CARS2: variants seen among roughly 807,000 people sequenced by gnomAD.
The protein encoded by CARS2 is cysteinyl-tRNA synthetase 2, mitochondrial, also known as probable cysteine--tRNA ligase, mitochondrial.
CARS2 carries 52 observed loss-of-function variants against 68.8 expected under a neutral mutation model. That is an observed-to-expected ratio of 0.76 (90% confidence interval 0.61 to 0.95). The LOEUF is 0.95. CARS2 is among the 40% of genes least tolerant of loss of function. The probability of loss-of-function intolerance (pLI) is 0.00; values close to 1 mark genes in which losing one functional copy is unlikely to be tolerated. For synonymous variants in CARS2, 314 were observed against 303.6 expected, an observed-to-expected ratio of 1.03 and a Z score of -0.36; for missense variants, 780 against 754.2, an observed-to-expected ratio of 1.03 and a Z score of -0.40.
Position 110,701,517 on chromosome 13 carries a change from G to A in CARS2, c.314C>T (p.Thr105Ile). Residue 105 changes from threonine to isoleucine, a missense_variant, in exon 3 of 15, where the codon ACC becomes ATC. Coordinates refer to ENST00000257347, the MANE Select transcript of CARS2 (RefSeq NM_024537.4). ...GACTATGCTGCATCCAAAAACCTTG[G>A]TTAGGATCCTTCGAATGATATCAAA... ...VRFDIIRRIL[T>I]KVFGCSIVMV... 3 of 1,588,404 alleles carry A rather than the reference G, an allele frequency of 1.9e-6. No homozygotes were observed. The highest frequency in any genetic ancestry group is 2.6e-6 in the Non-Finnish European group (3 of 1,156,668).
Position 110,676,098 on chromosome 13 carries a change from G to A in CARS2, c.785+876C>T, listed in dbSNP as rs994030096. 6.6e-6 allele frequency among the ~76,000 whole-genome samples: 1 copy of A among 152,198 alleles called. No individual in the cohort carries two copies. The highest frequency in any genetic ancestry group is 1.5e-5 in the Non-Finnish European group (1 of 68,036). On this transcript the variant is annotated intron_variant, in intron 7 of 14. Coordinates refer to ENST00000257347, the MANE Select transcript of CARS2 (RefSeq NM_024537.4). The surrounding 1 kb of genome is among the most constrained non-coding windows in gnomAD (Gnocchi z 4.0). ...GAACCTGGGAGGCGGAGGTTGCGGT[G>A]AGCCGAGATCGCACCATTGCACTCC...
chr13:110,712,546 C>A, intron 1 of CARS2: 1 of 271,808 alleles, frequency 3.7e-6, no homozygotes, highest in Non-Finnish European at 7.3e-6. Context: ...GGGGCCGGCG[C>A]GCGGGGCCGG....
At chr13:110,644,239 A>ATTTTTCCAGGAAAGTAACATGT in intron 13 of CARS2, 146 bp downstream of exon 13, 3 of 1,410,838 alleles carry the variant, frequency 2.1e-6, no homozygotes, top group Non-Finnish European at 2.9e-6. Context: ...GAGTGTGTTT[A>ATTTTTCCAGGAAAGTAACATGT]TTTTTCCAGG....
chr13:110,642,450 C>T lies in CARS2; in HGVS notation c.1488G>A (p.Lys496=). The T allele has an allele frequency of 6.2e-7, 1 of 1,608,222 alleles. No homozygotes were observed. The highest frequency in any genetic ancestry group is 8.5e-7 in the Non-Finnish European group (1 of 1,177,760). ...GCATGGCCAGCGCAAACTGCCGGAC[C>T]TTCTGCCGGAACCGCACCAGCTCGT... ...VVDELVRFRQ[K]VRQFALAMPE... is the part of the protein sequence containing the mutation. The change falls in exon 14 of 15, where the codon AAG becomes AAA. Residue 496 remains lysine (K), a synonymous_variant. Transcript: ENST00000257347.
At chr13:110,645,191 G>A (rs1653368368) in intron 12 of CARS2, 1 of 152,504 alleles carries the variant, frequency 6.6e-6, no homozygotes, top group African/African-American at 2.4e-5. Context: ...CCCCCTCAGA[G>A]GCGAGCCCTG....
chr13:110,695,787 TTAAATTATAC>T (rs1409674047), intron 3 of CARS2, among the ~76,000 whole-genome samples: 1 of 152,142 alleles, frequency 6.6e-6, no homozygotes, highest in African/African-American at 2.4e-5. Flanking sequence ...TTTTTTTTTT[TTAAATTATAC>T]TTTAAGTTCT....
In CARS2 at chr13:110,705,979, C is replaced by A. The variant is rs1330266756; in HGVS notation, c.115G>T (p.Gly39Trp). ...PAGRAASGGR[G>W]RAWLQPTGRE... ...CCCGTGGGCTGCAGCCAGGCCCGCC[C>A]GCGCCCCCCGCTCGCCGCCCGGCCC... Residue 39 changes from glycine to tryptophan, a missense_variant, in exon 1 of 15, where the codon GGG (glycine) becomes TGG (tryptophan). Physicochemically the swap from Gly to Trp is radical, Grantham distance 184. Transcript: ENST00000257347. This position sits in a 1 kb window ranked among gnomAD's most constrained non-coding sequence, Gnocchi z 4.0. The A allele has an allele frequency of 4.0e-6, 6 of 1,510,106 alleles. No individual in the cohort carries two copies. The African/African-American group carries it at 7.2e-5, about 18-fold the overall frequency. The allele number at this position is 1,510,106 out of a possible 1,614,324, so 93.5% of individuals were successfully genotyped here.
intron 3 of CARS2, among the ~76,000 whole-genome samples, chr13:110,699,080 C>T (rs891006278): frequency 1.3e-5 from 2 of 152,182 alleles, no homozygotes; most frequent in African/African-American, 2.4e-5. Flanking sequence ...TTCTTTCTCT[C>T]CCCTTGACCT....
intron 7 of CARS2, among the ~76,000 whole-genome samples, chr13:110,672,937 C>A (rs1203941278): frequency 6.6e-6 from 1 of 152,262 alleles, no homozygotes; most frequent in African/African-American, 2.4e-5. Flanking sequence ...ACTATAAACA[C>A]CTCTATGCAA....
At position 110,642,538 on chromosome 13, in the gene CARS2, G is replaced by C. The variant is rs113709957; in HGVS notation, c.1417-17C>G. On this transcript the variant is annotated splice_polypyrimidine_tract_variant and intron_variant, in intron 13 of 14. Transcript: ENST00000257347. ...TGAAACGTACTGAAGCCAGCAGGGC[G>C]CGGTTACGTCCCCCGGAGACTGTGG... 6.2e-7 allele frequency: 1 copy of C among 1,607,564 alleles called. No homozygotes were observed.
Position 110,701,763 on chromosome 13 carries a change from T to C in CARS2, c.276-208A>G, listed in dbSNP as rs9555724. ...GGTTCTCAGGAGAAACTGACAAAGG[T>C]ATTGCATCAATTTCAGGACACAATA... On this transcript the variant is annotated intron_variant, in intron 2 of 14. Coordinates refer to ENST00000257347, the MANE Select transcript of CARS2 (RefSeq NM_024537.4). 0.6 allele frequency among the ~76,000 whole-genome samples: 91,148 copies of C among 152,098 alleles called. 30,225 individuals carry two copies. Among genetic ancestry groups the C allele is most frequent in the Non-Finnish European group, 0.74 (50,089 of 67,994 alleles).
intron 3 of CARS2, chr13:110,689,013 G>A (rs975945623): frequency 3.2e-5 from 5 of 154,190 alleles, no homozygotes; most frequent in Non-Finnish European, 1.5e-5. Context: ...CATTCCCTCG[G>A]GTCCCATGGC....
chr13:110,703,881 C>T (rs1297995022), intron 2 of CARS2, among the ~76,000 whole-genome samples: 1 of 152,188 alleles, frequency 6.6e-6, no homozygotes, highest in African/African-American at 2.4e-5. Flanking sequence ...TGGTTGAAAC[C>T]CTAACTCCCA....
Position 110,669,735 on chromosome 13 carries a change from G to A in CARS2, c.786-2262C>T, listed in dbSNP as rs146149635. Among the ~76,000 whole-genome samples the A allele has an allele frequency of 2.2e-3, 336 of 152,158 alleles. 1 individual carries two copies. The highest frequency in any genetic ancestry group is 6.4e-3 in the African/African-American group (265 of 41,534). The stretch of plus-strand genomic sequence containing the variant: ...TCGTCAGACAGTGGGTGCAGCTCAC[G>A]GAGTGTGAGCCGAAGCAGGGTGGGG... On this transcript the variant is annotated intron_variant, in intron 7 of 14. Coordinates refer to ENST00000257347, the MANE Select transcript of CARS2 (RefSeq NM_024537.4).
upstream of CARS2, among the ~76,000 whole-genome samples, chr13:110,710,589 T>C (rs1208534595): frequency 2.0e-5 from 3 of 152,352 alleles, no homozygotes; most frequent in East Asian, 3.9e-4. Flanking sequence ...AGAGACAAGA[T>C]TCTTCAACGT....
At chr13:110,656,211 G>A (rs1004855770) in intron 9 of CARS2, among the ~76,000 whole-genome samples, 3 of 152,222 alleles carry the variant, frequency 2.0e-5, no homozygotes, top group African/African-American at 7.2e-5. Context: ...GCTGAGGCAT[G>A]AGAATCACTT....
intron 6 of CARS2, chr13:110,678,084 C>A (rs1290241836): frequency 6.6e-6 from 1 of 152,404 alleles, no homozygotes; most frequent in Admixed American, 6.5e-5. Context: ...TCAGATGCAC[C>A]AGCGCACAGG....
intron 7 of CARS2, among the ~76,000 whole-genome samples, chr13:110,672,436 G>A (rs7491363): frequency 0.55 from 83,264 of 151,978 alleles, 23,631 homozygotes; most frequent in Non-Finnish European, 0.64. Context: ...CAACTACATG[G>A]AAACTGAACA....
chr13:110,712,692 G>A, intron 1 of CARS2: 10 of 678,828 alleles, frequency 1.5e-5, no homozygotes, highest in Non-Finnish European at 2.7e-5. Context: ...CGGCCGACCG[G>A]GTGTCTGCAT....
Sources: gnomAD v4.1 joint callset for allele counts (sites outside exome capture counted in the v4.1 genomes callset) on GRCh38, gnomAD v4.1.1 for gene constraint, Gnocchi (gnomAD v3.1) non-coding constraint, MANE v1.5 for transcripts, NCBI Gene and HGNC (gene_info 2026-07-23, HGNC 2026-07-21) for gene names.